The following NFRKB variants were observed in gnomAD, a reference collection of about 807,000 sequenced individuals.
NFRKB encodes nuclear factor related to kappa-B-binding protein.
In NFRKB, 62 loss-of-function variants were observed where a neutral mutation model predicts 135.7. The observed-to-expected ratio is 0.46, with a 90% confidence interval of 0.37 to 0.56. The LOEUF (loss-of-function observed/expected upper bound fraction) is 0.56. NFRKB is among the 20% of genes least tolerant of loss of function. The pLI is 0.00. For synonymous variants in NFRKB, 678 were observed against 635.6 expected, an observed-to-expected ratio of 1.07 and a Z score of -1.00; for missense variants, 1,545 against 1,662.0, an observed-to-expected ratio of 0.93 and a Z score of 1.22.
At chr11:129,890,561 CA>C (rs1331840655) in intron 3 of NFRKB, among the ~76,000 whole-genome samples, 2 of 152,198 alleles carry the variant, frequency 1.3e-5, no homozygotes, top group Non-Finnish European at 2.9e-5. Flanking sequence ...GTGAAACAAA[CA>C]AACTAAATTA....
In NFRKB at chr11:129,864,838, T is replaced by TCC. The variant is rs1260677733; in HGVS notation, c.3786_3787insGG (p.Thr1263GlyfsTer25). 32 of 1,614,160 alleles carry TCC rather than the reference T, an allele frequency of 2.0e-5. No individual in the cohort carries two copies. The highest frequency in any genetic ancestry group is 2.7e-5 in the Non-Finnish European group (32 of 1,180,026). Reference sequence around the variant, plus strand: ...TGTTGGAGATGGGATGCAGGGACAGTCTGGATGCGCACCTGTTTGCAAAGA... The same window carrying TCC: ...TGTTGGAGATGGGATGCAGGGACAGTCCCTGGATGCGCACCTGTTTGCAAAGA... On this transcript the variant is annotated frameshift_variant, in exon 27 of 27. Coordinates refer to ENST00000682444, the MANE Select transcript of NFRKB (RefSeq NM_001143835.2). LOFTEE classifies it high-confidence loss of function.
Position 129,892,864 on chromosome 11 carries a change from A to G in NFRKB, c.-15T>C. The stretch of plus-strand genomic sequence containing the variant: ...AAGGAATCCATTGTTTCTTCTCCAC[A>G]GGTACTCTGGACAAAGACATGCATC... On this transcript the variant is annotated 5_prime_UTR_variant, in exon 3 of 27. Coordinates refer to ENST00000682444, the MANE Select transcript of NFRKB (RefSeq NM_001143835.2). The G allele has an allele frequency of 6.2e-7, 1 of 1,614,210 alleles. No individual in the cohort carries two copies. Among genetic ancestry groups the G allele is most frequent in the Non-Finnish European group, 8.5e-7 (1 of 1,180,034 alleles).
chr11:129,883,148 T>G lies in NFRKB; in HGVS notation c.875A>C (p.Asn292Thr), dbSNP rs1261589685. The change falls in exon 9 of 27, where the codon AAT (asparagine) becomes ACT (threonine). Residue 292 changes from asparagine (N) to threonine (T), a missense_variant. By Grantham distance (65) the Asn-to-Thr change is moderately conservative. This residue lies in a region of NFRKB where 678 missense variants were observed against 646.7 expected (regional missense o/e 1.05). Transcript: ENST00000682444. ...TGCCAGAGAGCCCTTCCTGCCAGCATTTACTCGAGTCATGATGTCATTGAG... is the reference window on the plus strand; with the variant it reads ...TGCCAGAGAGCCCTTCCTGCCAGCAGTTACTCGAGTCATGATGTCATTGAG... ...LTLNDIMTRV[N>T]AGRKGSLAAL... The G allele has an allele frequency of 1.2e-6, 2 of 1,614,062 alleles. No individual in the cohort carries two copies. The highest frequency in any genetic ancestry group is 1.7e-6 in the Non-Finnish European group (2 of 1,180,004).
At chr11:129,877,538 C>T (rs547596698) in intron 15 of NFRKB, among the ~76,000 whole-genome samples, 153 bp from the exon 16 acceptor site, 1 of 152,318 alleles carries the variant, frequency 6.6e-6, no homozygotes, top group East Asian at 1.9e-4. Context: ...CCTTCCAGCT[C>T]CTACGAAGTA....
chr11:129,882,072 T>C lies in NFRKB; in HGVS notation c.1191+14A>G, dbSNP rs190618457. 291 of 1,587,708 alleles carry C rather than the reference T, an allele frequency of 1.8e-4. No individual in the cohort carries two copies. In the East Asian group the frequency reaches 6.3e-3, roughly 34 times the overall value. On this transcript the variant is annotated intron_variant, in intron 11 of 26. Transcript: ENST00000682444. ...AAAACTCTAATGTACCTCCAACTTT[T>C]CCAAAACGCTTACCATAGGAAGGCT... is the stretch of plus-strand genomic sequence containing the variant.
Position 129,882,431 on chromosome 11 carries a change from A to G in NFRKB, c.1082+20T>C. On this transcript the variant is annotated intron_variant, in intron 10 of 26. Coordinates refer to ENST00000682444, the MANE Select transcript of NFRKB (RefSeq NM_001143835.2). ...TACCCATTCACCCTGAGAATTACAGAATCTCTGTTGCTCACTTACTCTTCC... is the reference window on the plus strand; with the variant it reads ...TACCCATTCACCCTGAGAATTACAGGATCTCTGTTGCTCACTTACTCTTCC... 1 of 1,610,052 alleles carries G rather than the reference A, an allele frequency of 6.2e-7. No individual in the cohort carries two copies. Among genetic ancestry groups the G allele is most frequent in the Non-Finnish European group, 8.5e-7 (1 of 1,178,370 alleles).
intron 6 of NFRKB, 47 bp from the exon 7 acceptor site, chr11:129,884,893 C>T: frequency 6.2e-7 from 1 of 1,613,454 alleles, no homozygotes; most frequent in Non-Finnish European, 8.5e-7. Context: ...CTGTGGACTC[C>T]AATAGGGGAG....
At chr11:129,867,509 G>GTTTC (rs1219667837) in intron 24 of NFRKB, among the ~76,000 whole-genome samples, 4 of 151,980 alleles carry the variant, frequency 2.6e-5, no homozygotes, top group Non-Finnish European at 5.9e-5. Flanking sequence ...TAGGGACGGG[G>GTTTC]TTTCACCATG....
chr11:129,876,126 C>A (rs1331210001), intron 17 of NFRKB, among the ~76,000 whole-genome samples: 1 of 152,174 alleles, frequency 6.6e-6, no homozygotes, highest in Non-Finnish European at 1.5e-5. Flanking sequence ...TAATAGAAAT[C>A]AGACATTTTC....
At chr11:129,872,739 C>T in intron 23 of NFRKB, 145 bp downstream of exon 23, 1 of 777,602 alleles carries the variant, frequency 1.3e-6, no homozygotes, top group Non-Finnish European at 2.0e-6. Context: ...TTGGTGGGAA[C>T]TCACACCTAA....
At chr11:129,868,428 C>T (rs984534791) in intron 24 of NFRKB, among the ~76,000 whole-genome samples, 4 of 152,188 alleles carry the variant, frequency 2.6e-5, no homozygotes, top group African/African-American at 7.2e-5. Context: ...GTTAAAAAGA[C>T]GTGGTATCAG....
chr11:129,875,474 G>C lies in NFRKB; in HGVS notation c.1748-11C>G. On this transcript the variant is annotated splice_polypyrimidine_tract_variant and intron_variant, in intron 17 of 26. Coordinates refer to ENST00000682444, the MANE Select transcript of NFRKB (RefSeq NM_001143835.2). ...CCGCAGCGTCCCGAACTGATGACAT[G>C]AGAAAGCACACAGTCCACAAGTCAG... The C allele has an allele frequency of 6.3e-7, 1 of 1,583,930 alleles. No individual in the cohort carries two copies. Among genetic ancestry groups the C allele is most frequent in the South Asian group, 1.2e-5 (1 of 86,592 alleles).
intron 13 of NFRKB, among the ~76,000 whole-genome samples, chr11:129,879,603 G>C (rs139045909): frequency 6.6e-6 from 1 of 152,162 alleles, no homozygotes; most frequent in Non-Finnish European, 1.5e-5. Context: ...CAGGCGATCC[G>C]GTCTCCTGGC....
intron 13 of NFRKB, among the ~76,000 whole-genome samples, chr11:129,880,890 C>T (rs956141785): frequency 1.3e-5 from 2 of 152,166 alleles, no homozygotes; most frequent in African/African-American, 4.8e-5. Context: ...CAGAGAAGTG[C>T]CTGTGAATTT....
chr11:129,888,366 A>C, intron 4 of NFRKB: 1 of 678,032 alleles, frequency 1.5e-6, no homozygotes, highest in Non-Finnish European at 2.7e-6. Context: ...TTACAAGCTG[A>C]TGCTGGTTAC....
Position 129,888,655 on chromosome 11 carries a change from C to A in NFRKB, c.276G>T (p.Leu92Phe). Residue 92 changes from leucine (L) to phenylalanine (F), a missense_variant, in exon 4 of 27, where the codon TTG (leucine) becomes TTT (phenylalanine). Physicochemically the swap from Leu to Phe is conservative, Grantham distance 22. This residue lies in a region of NFRKB where 678 missense variants were observed against 646.7 expected (regional missense o/e 1.05). Transcript: ENST00000682444. ...AEQQNELILA[L>F]FSGENFRFGN... ...CAAAGCGGAAGTTCTCCCCACTGAA[C>A]AAGGCTAAGATGAGTTCATTCTGCT... 6.2e-7 allele frequency: 1 copy of A among 1,614,202 alleles called. No homozygotes were observed. Among genetic ancestry groups the A allele is most frequent in the East Asian group, 2.2e-5 (1 of 44,874 alleles).
chr11:129,885,564 G>C lies in NFRKB; in HGVS notation c.511C>G (p.Arg171Gly). The C allele has an allele frequency of 1.2e-6, 2 of 1,613,790 alleles. No individual in the cohort carries two copies. Among genetic ancestry groups the C allele is most frequent in the Non-Finnish European group, 1.7e-6 (2 of 1,179,738 alleles). Residue 171 changes from arginine (R) to glycine (G), a missense_variant, in exon 6 of 27, where the codon CGG becomes GGG. This residue lies in a region of NFRKB where 678 missense variants were observed against 646.7 expected (regional missense o/e 1.05). Coordinates refer to ENST00000682444, the MANE Select transcript of NFRKB (RefSeq NM_001143835.2). ...ARRSGPALPF[R>G]QKRPSPSRTP... Reference sequence around the variant, plus strand: ...CGGGATGGTGAAGGGCGTTTCTGCCGGAAGGGAAGGGCGGGGCCACTCCGC... The same window carrying C: ...CGGGATGGTGAAGGGCGTTTCTGCCCGAAGGGAAGGGCGGGGCCACTCCGC...
intron 17 of NFRKB, 77 bp downstream of exon 17, chr11:129,876,644 G>T (rs770905630): frequency 2.0e-5 from 23 of 1,177,222 alleles, no homozygotes; most frequent in Non-Finnish European, 2.6e-5. Context: ...GTAAGGAGAG[G>T]ACAGAGTTCA....
Position 129,875,446 on chromosome 11 carries a change from G to A in NFRKB, c.1765C>T (p.Arg589Ter). 6.2e-7 allele frequency: 1 copy of A among 1,606,624 alleles called. No individual in the cohort carries two copies. The highest frequency in any genetic ancestry group is 8.5e-7 in the Non-Finnish European group (1 of 1,177,260). Residue 589 changes from arginine (R) to a stop codon, truncating the protein, a stop_gained, in exon 18 of 27, where the codon CGA becomes TGA. Transcript: ENST00000682444. LOFTEE classifies it high-confidence loss of function. ...CGTGTGCCTTCTCCATTAGGCAGTC[G>A]AGCCGCAGCGTCCCGAACTGATGAC... ...ILSLVRDAAA[R>*]LPNGEGTRAE...
Sources: gnomAD v4.1 joint callset for allele counts (sites outside exome capture counted in the v4.1 genomes callset) on GRCh38, gnomAD v4.1.1 for gene constraint, gnomAD v4.1.1 regional missense constraint, MANE v1.5 for transcripts, NCBI Gene and HGNC (gene_info 2026-07-23, HGNC 2026-07-21) for gene names.